CTIF: variants seen among roughly 807,000 people sequenced by gnomAD.
CTIF encodes the protein CBP80/20-dependent translation initiation factor.
In CTIF, 21 loss-of-function variants were observed where a neutral mutation model predicts 66.0. The observed-to-expected ratio is 0.32, with a 90% CI of 0.23 to 0.46. The LOEUF (loss-of-function observed/expected upper bound fraction) is 0.46, where lower values mean the gene tolerates loss of function less well. Ranked by LOEUF, CTIF falls within the 20% of genes least tolerant of loss-of-function variation. The pLI, the probability that CTIF is intolerant of heterozygous loss-of-function variation, is 1.00. For missense variants in CTIF, 739 were observed against 812.7 expected (o/e 0.91, Z 1.10); for synonymous variants, 345 against 326.4 (o/e 1.06, Z -0.62).
In CTIF at chr18:48,599,455, T is replaced by C. The variant is rs542926971; in HGVS notation, c.-28-20083T>C. ...CCTCTGAAAGATGTCTTTGGATATT[T>C]GTAGTTTACAGTCCTATTTCTATGT... On this transcript the variant is annotated intron_variant, in intron 1 of 11. Transcript: ENST00000256413. Among the ~76,000 whole-genome samples the C allele has an allele frequency of 9.8e-5, 15 of 152,348 alleles. No individual in the cohort carries two copies. In the Middle Eastern group the frequency reaches 0.01, roughly 104 times the overall value.
rs527584204 is a variant in CTIF at position 48,794,724 on chromosome 18, A to T, written c.1372-22497A>T. 1.1e-3 allele frequency among the ~76,000 whole-genome samples: 161 copies of T among 152,232 alleles called. 1 individual carries two copies. The highest frequency in any genetic ancestry group is 3.8e-3 in the African/African-American group (156 of 41,526). ...TGCCCTCTGGAGATGCCCTCTGGAGATGCTTGTCAGACTGGAACATGTGGG... is the reference window on the plus strand; with the variant it reads ...TGCCCTCTGGAGATGCCCTCTGGAGTTGCTTGTCAGACTGGAACATGTGGG... On this transcript the variant is annotated intron_variant, in intron 9 of 11. Coordinates refer to ENST00000256413, the MANE Select transcript of CTIF (RefSeq NM_014772.3).
intron 1 of CTIF, among the ~76,000 whole-genome samples, chr18:48,602,809 G>A (rs1190486459): frequency 1.3e-5 from 2 of 151,710 alleles, no homozygotes; most frequent in Admixed American, 6.6e-5. Flanking sequence ...GTGGGTGAAC[G>A]AATGGATGAA....
At chr18:48,600,180 C>T (rs2090065552) in intron 1 of CTIF, among the ~76,000 whole-genome samples, 1 of 152,066 alleles carries the variant, frequency 6.6e-6, no homozygotes, top group Non-Finnish European at 1.5e-5. Flanking sequence ...ATAGATGCGC[C>T]CCATCATTGC....
At chr18:48,588,125 G>A (rs1261888188) in intron 1 of CTIF, among the ~76,000 whole-genome samples, 1 of 152,190 alleles carries the variant, frequency 6.6e-6, no homozygotes, top group African/African-American at 2.4e-5. Flanking sequence ...CTTGTGGGGA[G>A]CCGGGAATTA....
chr18:48,697,079 C>T (rs999434681), intron 6 of CTIF, among the ~76,000 whole-genome samples: 1 of 152,220 alleles, frequency 6.6e-6, no homozygotes, highest in African/African-American at 2.4e-5. Flanking sequence ...TAGTTAAAGG[C>T]CACAGACCCC....
intron 1 of CTIF, among the ~76,000 whole-genome samples, chr18:48,585,762 C>T (rs2089753620): frequency 6.6e-6 from 1 of 152,178 alleles, no homozygotes; most frequent in Admixed American, 6.5e-5. Flanking sequence ...TGTTAAGGGG[C>T]ATTGACCACT....
chr18:48,583,306 A>G (rs1334323258), intron 1 of CTIF, among the ~76,000 whole-genome samples: 2 of 152,248 alleles, frequency 1.3e-5, no homozygotes, highest in East Asian at 3.8e-4. Context: ...AGGAATTCAC[A>G]GTTCGTGAAA....
intron 10 of CTIF, among the ~76,000 whole-genome samples, chr18:48,854,138 G>A (rs1442934759): frequency 6.6e-6 from 1 of 152,214 alleles, no homozygotes; most frequent in African/African-American, 2.4e-5. Context: ...ATTTGGCACT[G>A]TCCCTGACTT....
intron 10 of CTIF, among the ~76,000 whole-genome samples, chr18:48,843,494 G>C (rs1368361732): frequency 2.0e-5 from 3 of 152,032 alleles, no homozygotes; most frequent in Non-Finnish European, 4.4e-5. Flanking sequence ...GTAGCCTCTC[G>C]AGCCCTCCTC....
chr18:48,644,539 G>T (rs541185481), intron 3 of CTIF, among the ~76,000 whole-genome samples: 4 of 152,274 alleles, frequency 2.6e-5, no homozygotes, highest in Admixed American at 2.6e-4. Context: ...CATCCTCAAA[G>T]TGCCTTCTGG....
At chr18:48,730,328 GGCC>G (rs2092431465) in intron 7 of CTIF, among the ~76,000 whole-genome samples, 1 of 103,914 alleles carries the variant, frequency 9.6e-6, no homozygotes, top group African/African-American at 3.0e-5. Context: ...CGGTGTGAGG[GGCC>G]CCTGCGGTGT....
At chr18:48,621,146 C>T (rs1276621407) in intron 2 of CTIF, among the ~76,000 whole-genome samples, 1 of 152,192 alleles carries the variant, frequency 6.6e-6, no homozygotes, top group African/African-American at 2.4e-5. Flanking sequence ...CAAAAAAGCC[C>T]TGCCCTCATG....
At chr18:48,569,794 C>T (rs1273708212) in intron 1 of CTIF, among the ~76,000 whole-genome samples, 2 of 152,186 alleles carry the variant, frequency 1.3e-5, no homozygotes, top group Non-Finnish European at 2.9e-5. Flanking sequence ...AGGGATGAGA[C>T]CAGTCTTGGG....
At chr18:48,614,414 C>A (rs989272513) in intron 1 of CTIF, among the ~76,000 whole-genome samples, 4 of 152,204 alleles carry the variant, frequency 2.6e-5, no homozygotes, top group African/African-American at 9.7e-5. Context: ...ATATTCAAAG[C>A]AGCATTATTC....
chr18:48,639,716 A>T (rs1409069662), intron 3 of CTIF, among the ~76,000 whole-genome samples: 1 of 152,178 alleles, frequency 6.6e-6, no homozygotes, highest in Non-Finnish European at 1.5e-5. Flanking sequence ...ACCAGCCTGG[A>T]TGGGCGTTTG....
intron 7 of CTIF, among the ~76,000 whole-genome samples, chr18:48,734,856 A>G (rs980708001): frequency 6.6e-6 from 1 of 152,340 alleles, no homozygotes; most frequent in East Asian, 1.9e-4. Flanking sequence ...TTAGAGGAGC[A>G]TCCCGTCTAG....
intron 9 of CTIF, among the ~76,000 whole-genome samples, chr18:48,788,883 C>T (rs1352652459): frequency 6.6e-6 from 1 of 152,144 alleles, no homozygotes; most frequent in East Asian, 1.9e-4. Context: ...TAGAAAGGTA[C>T]TATGACATCA....
intron 1 of CTIF, among the ~76,000 whole-genome samples, chr18:48,558,680 A>G (rs1353101742): frequency 6.6e-6 from 1 of 152,194 alleles, no homozygotes; most frequent in African/African-American, 2.4e-5. Flanking sequence ...CTGTTTTGCA[A>G]ATTTAGATTC....
intron 10 of CTIF, among the ~76,000 whole-genome samples, chr18:48,824,797 C>T (rs1228072786): frequency 6.6e-6 from 1 of 152,120 alleles, no homozygotes; most frequent in African/African-American, 2.4e-5. Context: ...TCCGCCACCA[C>T]GCCCAGCTAA....
Sources: allele counts gnomAD v4.1 joint callset (sites outside exome capture counted in the v4.1 genomes callset), GRCh38; gene constraint gnomAD v4.1.1; transcripts MANE v1.5; gene names NCBI Gene and HGNC (gene_info 2026-07-23, HGNC 2026-07-21).